Variants in CKAP5 observed in about 807,000 individuals in gnomAD.
CKAP5 encodes cytoskeleton-associated protein 5.
A neutral mutation model predicts 232.8 loss-of-function variants in CKAP5; 27 were observed. The ratio of observed to expected loss-of-function variants is 0.12; its 90% CI spans 0.09 to 0.16. The LOEUF is 0.16. Among genes scored for constraint, CKAP5 ranks in the 10% least tolerant of loss-of-function variants. CKAP5 has a pLI of 1.00. For missense variants in CKAP5, 1,838 were observed against 2,424.7 expected, an observed-to-expected ratio of 0.76 and a Z score of 5.08; for synonymous variants, 785 against 841.1, an observed-to-expected ratio of 0.93 and a Z score of 1.16.
intron 1 of CKAP5, among the ~76,000 whole-genome samples, chr11:46,836,874 TA>T (rs1473491547): frequency 1.3e-5 from 2 of 152,222 alleles, no homozygotes; most frequent in Non-Finnish European, 2.9e-5. Flanking sequence ...TCGAGACTTT[TA>T]TGACATAAAG....
At position 46,753,434 on chromosome 11, in the gene CKAP5, C is replaced by A; in HGVS notation, c.4933G>T (p.Gly1645Cys). Residue 1645 changes from glycine (G) to cysteine (C), a missense_variant, in exon 37 of 44, where the codon GGC (glycine) becomes TGC (cysteine). Gly to Cys is a radical substitution (Grantham distance 159). Coordinates refer to ENST00000529230, the MANE Select transcript of CKAP5 (RefSeq NM_001008938.4). Reference sequence around the variant, plus strand: ...GAATCCAGCATTAAGGTGATGAGGCCATGCATTAGGTCTTTTAGTACTCCA... The same window carrying A: ...GAATCCAGCATTAAGGTGATGAGGCAATGCATTAGGTCTTTTAGTACTCCA... Reference protein sequence around the residue: ...STGVLKDLMHGLITLMLDSRI... With the variant: ...STGVLKDLMHCLITLMLDSRI... 2 of 1,613,942 alleles carry A rather than the reference C, an allele frequency of 1.2e-6. No homozygotes were observed. The highest frequency in any genetic ancestry group is 1.7e-6 in the Non-Finnish European group (2 of 1,179,972).
chr11:46,829,258 T>C (rs1355939926), intron 1 of CKAP5, among the ~76,000 whole-genome samples: 1 of 152,194 alleles, frequency 6.6e-6, no homozygotes, highest in African/African-American at 2.4e-5. Flanking sequence ...GACATGAGGA[T>C]GACAAGGATG....
In CKAP5 at chr11:46,809,472, T is replaced by C. The variant is rs771325751; in HGVS notation, c.792A>G (p.Gln264=). 1.4e-5 allele frequency: 22 copies of C among 1,613,388 alleles called. No individual in the cohort carries two copies. The highest frequency in any genetic ancestry group is 1.7e-5 in the Non-Finnish European group (20 of 1,179,582). ...CTTCTAAAAGCTCATAAGCATCTAT[T>C]TGTGGCACCTCATCACCATCATCAC... ...GGGDDGDEVP[Q]IDAYELLEAV... is the part of the protein sequence containing the mutation. The change falls in exon 7 of 44, where the codon CAA becomes CAG. Residue 264 remains glutamine, a synonymous_variant. Transcript: ENST00000529230.
intron 18 of CKAP5, among the ~76,000 whole-genome samples, chr11:46,780,953 A>G (rs1320384229): frequency 6.6e-6 from 1 of 152,194 alleles, no homozygotes; most frequent in Non-Finnish European, 1.5e-5. Context: ...TGAGCTTTAA[A>G]TACTATCTAT....
chr11:46,752,189 T>TATATATATATATAG (rs2065071175), intron 38 of CKAP5, among the ~76,000 whole-genome samples: 1 of 64,380 alleles, frequency 1.6e-5, no homozygotes, highest in Non-Finnish European at 3.5e-5. Flanking sequence ...TATATATATA[T>TATATATATATATAG]ATATACACAC....
Position 46,829,834 on chromosome 11 carries a change from TTGTATGTG to T in CKAP5, c.-37-8574_-37-8567del, listed in dbSNP as rs758315433. On this transcript the variant is annotated intron_variant, in intron 1 of 43. Transcript: ENST00000529230. ...CAGTATATGAAGTCTAATTCCTTTT[TTGTATGTG>T]TGTGTGTGTGTGTGTGTGTGTGTGT... 3.5e-3 allele frequency among the ~76,000 whole-genome samples: 390 copies of T among 110,732 alleles called. 1 individual carries two copies. The highest frequency in any genetic ancestry group is 9.7e-3 in the South Asian group (28 of 2,894). 72.6% of individuals were successfully genotyped at this position (110,732 alleles called of 152,430 possible). A position where few individuals can be genotyped will look rare whatever the true frequency, so the allele number is the denominator to read the frequency against.
At position 46,818,376 on chromosome 11, in the gene CKAP5, G is replaced by A; in HGVS notation, c.185C>T (p.Ala62Val). 1 of 1,612,318 alleles carries A rather than the reference G, an allele frequency of 6.2e-7. No individual in the cohort carries two copies. The highest frequency in any genetic ancestry group is 1.7e-4 in the Middle Eastern group (1 of 6,056). Residue 62 changes from alanine (A) to valine (V), a missense_variant, in exon 3 of 44, where the codon GCA becomes GTA. Ala to Val is a moderately conservative substitution (Grantham distance 64). This residue lies in a region of CKAP5 where 285 missense variants were observed against 300.0 expected (regional missense o/e 0.95). Transcript: ENST00000529230. ...LIKKFVTDSNAVVQLKGLEAA... is the reference protein window; with the variant it reads ...LIKKFVTDSNVVVQLKGLEAA... ...TTCTAATCCTTTCAATTGAACCACTGCATTGGAATCAGTGACAAATTTTTT... is the reference window on the plus strand; with the variant it reads ...TTCTAATCCTTTCAATTGAACCACTACATTGGAATCAGTGACAAATTTTTT...
intron 32 of CKAP5, 147 bp downstream of exon 32, chr11:46,761,853 A>G: frequency 5.1e-6 from 3 of 586,696 alleles, no homozygotes; most frequent in South Asian, 4.8e-5. Context: ...TCAAGGGTCT[A>G]TCTGGATTCT....
At chr11:46,785,671 C>T (rs1277980159) in intron 16 of CKAP5, among the ~76,000 whole-genome samples, 1 of 151,590 alleles carries the variant, frequency 6.6e-6, no homozygotes, top group Non-Finnish European at 1.5e-5. Context: ...ATGCAATTAT[C>T]GCCTGGCTCA....
chr11:46,841,875 G>A (rs1395413348), intron 1 of CKAP5, among the ~76,000 whole-genome samples: 2 of 151,774 alleles, frequency 1.3e-5, no homozygotes, highest in South Asian at 2.1e-4. Context: ...GCTCACGCCT[G>A]TAATCCCAGC....
chr11:46,831,622 A>G (rs1430487282), intron 1 of CKAP5, among the ~76,000 whole-genome samples: 1 of 151,976 alleles, frequency 6.6e-6, no homozygotes, highest in Non-Finnish European at 1.5e-5. Context: ...TCATCCTCCC[A>G]GCCTCATGTG....
rs796808777 is a variant in CKAP5 at position 46,821,729 on chromosome 11, A to AT, written c.-37-462dup. Among the ~76,000 whole-genome samples the AT allele has an allele frequency of 1.9e-3, 279 of 149,694 alleles. 1 individual carries two copies. The highest frequency in any genetic ancestry group is 6.3e-3 in the African/African-American group (260 of 40,978). On this transcript the variant is annotated intron_variant, in intron 1 of 43. Coordinates refer to ENST00000529230, the MANE Select transcript of CKAP5 (RefSeq NM_001008938.4). ...TGAGCCACCGCGCCCGGCCAATAGA[A>AT]TTTTTTTTTTAAAGTCACTCAAAAG...
chr11:46,768,160 G>C (rs1454102601), intron 26 of CKAP5, among the ~76,000 whole-genome samples: 1 of 152,002 alleles, frequency 6.6e-6, no homozygotes, highest in Admixed American at 6.6e-5. Flanking sequence ...AATTAATTCA[G>C]AAAATCTGTA....
intron 13 of CKAP5, among the ~76,000 whole-genome samples, chr11:46,791,674 AAAAT>A (rs1938727485): frequency 6.6e-6 from 1 of 152,140 alleles, no homozygotes; most frequent in South Asian, 2.1e-4. Flanking sequence ...ACCCTGTCTC[AAAAT>A]AAATAAATTC....
chr11:46,764,720 TAA>T (rs908896239), intron 28 of CKAP5, among the ~76,000 whole-genome samples: 15 of 152,276 alleles, frequency 9.9e-5, no homozygotes, highest in African/African-American at 3.6e-4. Flanking sequence ...ATATAATTTT[TAA>T]AAAAGATTAT....
intron 1 of CKAP5, among the ~76,000 whole-genome samples, chr11:46,829,600 T>TACAAATACATATACATATACAA (rs1939730274): frequency 6.6e-6 from 1 of 152,204 alleles, no homozygotes; most frequent in African/African-American, 2.4e-5. Flanking sequence ...GAATACAATA[T>TACAAATACATATACATATACAA]ATAATACATA....
chr11:46,747,847 C>T (rs984440208), intron 42 of CKAP5, among the ~76,000 whole-genome samples: 1 of 151,410 alleles, frequency 6.6e-6, no homozygotes, highest in African/African-American at 2.4e-5. Context: ...ATCACTTGAG[C>T]CCAGGAGTTA....
intron 42 of CKAP5, among the ~76,000 whole-genome samples, chr11:46,749,386 C>T (rs1482055859): frequency 3.0e-5 from 4 of 135,378 alleles, no homozygotes; most frequent in Non-Finnish European, 4.6e-5. Context: ...ACCTGGGAGG[C>T]GGAGGTTGCA....
intron 32 of CKAP5, among the ~76,000 whole-genome samples, chr11:46,761,315 A>G (rs901034735): frequency 6.6e-6 from 1 of 152,046 alleles, no homozygotes; most frequent in Non-Finnish European, 1.5e-5. Flanking sequence ...TAAAAAGGTC[A>G]AAAATTAAAT....
Sources: gnomAD v4.1 joint callset for allele counts (sites outside exome capture counted in the v4.1 genomes callset) on GRCh38, gnomAD v4.1.1 for gene constraint, gnomAD v4.1.1 regional missense constraint, MANE v1.5 for transcripts, NCBI Gene and HGNC (gene_info 2026-07-23, HGNC 2026-07-21) for gene names.